TTC6: variants seen among roughly 807,000 people sequenced by gnomAD.
TTC6 encodes the protein tetratricopeptide repeat domain 6.
A neutral mutation model predicts 210.4 loss-of-function variants in TTC6; 172 were observed. The observed-to-expected ratio is 0.82, with a 90% CI of 0.72 to 0.93. The LOEUF (loss-of-function observed/expected upper bound fraction) is 0.93. Among genes scored for constraint, TTC6 ranks in the 40% least tolerant of loss-of-function variants. TTC6 has a pLI of 0.00. For missense variants in TTC6, 2,414 were observed against 2,318.1 expected (o/e 1.04, Z -0.85); for synonymous variants, 804 against 819.6 (o/e 0.98, Z 0.32).
chr14:37,754,319 T>A (rs749069847), intron 14 of TTC6, among the ~76,000 whole-genome samples: 2 of 152,180 alleles, frequency 1.3e-5, no homozygotes, highest in Admixed American at 6.6e-5. Flanking sequence ...TTCCCACTTA[T>A]AAGTGAGAAC....
At chr14:37,726,072 C>T (rs565711634) in intron 7 of TTC6, among the ~76,000 whole-genome samples, 1 of 151,914 alleles carries the variant, frequency 6.6e-6, no homozygotes, top group Non-Finnish European at 1.5e-5. Flanking sequence ...TCTTCCTCCT[C>T]CTCTTTTCTG....
At chr14:37,806,556 G>A in intron 22 of TTC6, 46 bp downstream of exon 24, 2 of 1,436,748 alleles carry the variant, frequency 1.4e-6, no homozygotes, top group Non-Finnish European at 9.2e-7. Context: ...GTTAAGTTTG[G>A]TAAAACTATT....
exon 7 of TTC6, chr14:37,724,967 T>C: frequency 1.3e-6 from 2 of 1,528,458 alleles, no homozygotes; most frequent in Non-Finnish European, 1.8e-6. Flanking sequence ...TGTTCCAGAA[T>C]CTGTCATGAA....
At chr14:37,747,255 G>A (rs967842755) in intron 10 of TTC6, among the ~76,000 whole-genome samples, 24 of 152,228 alleles carry the variant, frequency 1.6e-4, no homozygotes, top group African/African-American at 5.5e-4. Flanking sequence ...TTATGTGTGT[G>A]TGTGTTTCCT....
At chr14:37,794,889 G>A (rs1321672724) in intron 17 of TTC6, among the ~76,000 whole-genome samples, 1 of 151,986 alleles carries the variant, frequency 6.6e-6, no homozygotes, top group Admixed American at 6.6e-5. Flanking sequence ...CCTGCATGCT[G>A]CTTGATTAAG....
At chr14:37,726,945 A>G (rs1412202804) in intron 7 of TTC6, among the ~76,000 whole-genome samples, 1 of 151,374 alleles carries the variant, frequency 6.6e-6, no homozygotes, top group African/African-American at 2.4e-5. Flanking sequence ...TGTTTCTGAT[A>G]TTTTTTTCTT....
exon 29 of TTC6, chr14:37,827,337 A>G (rs2096174443): frequency 1.4e-5 from 22 of 1,612,994 alleles, no homozygotes; most frequent in Non-Finnish European, 1.9e-5. Context: ...TGCAGGAAAT[A>G]TCTACTTTCA....
Position 37,683,055 on chromosome 14 carries a change from A to G in TTC6, c.1257+91A>G, listed in dbSNP as rs957239308. The G allele has an allele frequency of 3.9e-5, 45 of 1,157,368 alleles. No individual in the cohort carries two copies. In the East Asian group the frequency reaches 1.1e-3, roughly 28 times the overall value. 71.7% of individuals were successfully genotyped at this position (1,157,368 alleles called of 1,614,324 possible). ...AATTGGCCCAGGCAAGGACCAACGTATGGGGCTGGGGGCGGGGGTGATGGT... is the reference window on the plus strand; with the variant it reads ...AATTGGCCCAGGCAAGGACCAACGTGTGGGGCTGGGGGCGGGGGTGATGGT... On this transcript the variant is annotated intron_variant, in intron 3 of 30. Coordinates refer to ENST00000553443, the Ensembl canonical transcript of TTC6.
chr14:37,781,084 A>G (rs1391728576), intron 14 of TTC6, among the ~76,000 whole-genome samples: 1 of 152,178 alleles, frequency 6.6e-6, no homozygotes, highest in African/African-American at 2.4e-5. Context: ...TGCCACCATA[A>G]ACATACGTGT....
intron 1 of TTC6, among the ~76,000 whole-genome samples, chr14:37,649,587 G>T (rs2095707567): frequency 6.6e-6 from 1 of 152,164 alleles, no homozygotes; most frequent in East Asian, 1.9e-4. Flanking sequence ...GATTTTTGAA[G>T]CCCGAAAGCC....
intron 14 of TTC6, among the ~76,000 whole-genome samples, chr14:37,766,935 A>AATTTTGACATTTGTTGCCATTGCTTTTGG (rs1171286376): frequency 6.9e-6 from 1 of 144,206 alleles, no homozygotes; most frequent in Admixed American, 7.3e-5. Context: ...ATATCTCCCA[A>AATTTTGACATTTGTTGCCATTGCTTTTGG]TGCTATCCCT....
intron 3 of TTC6, among the ~76,000 whole-genome samples, chr14:37,693,626 A>G (rs2095808713): frequency 6.6e-6 from 1 of 152,072 alleles, no homozygotes; most frequent in Non-Finnish European, 1.5e-5. Context: ...ACAACAAAAA[A>G]CAAACCCCAA....
exon 16 of TTC6, chr14:37,790,818 A>G (rs1477236006): frequency 3.9e-6 from 6 of 1,533,842 alleles, no homozygotes; most frequent in Non-Finnish European, 5.2e-6. Flanking sequence ...TGACTTTGAA[A>G]CTGTCATTTC....
chr14:37,759,434 A>AT (rs2095977535), intron 14 of TTC6, among the ~76,000 whole-genome samples: 1 of 151,320 alleles, frequency 6.6e-6, no homozygotes, highest in Non-Finnish European at 1.5e-5. Context: ...TGCCCTTAAC[A>AT]TTTTTTCCTT....
At chr14:37,632,786 C>T (rs2095672423) in intron 1 of TTC6, among the ~76,000 whole-genome samples, 1 of 152,218 alleles carries the variant, frequency 6.6e-6, no homozygotes. Context: ...ATGAGTGGGG[C>T]TCCTGCCTTT....
chr14:37,748,532 C>T lies in TTC6; in HGVS notation c.2364-407C>T, dbSNP rs192770895. ...TTCAGTTGATAGTCTGGGGTGTAGT[C>T]AACTCCTGCCTTCTTCCCACTGCCT... is the stretch of plus-strand genomic sequence containing the variant. On this transcript the variant is annotated intron_variant, in intron 10 of 30. Coordinates refer to ENST00000553443, the Ensembl canonical transcript of TTC6. Among the ~76,000 whole-genome samples the T allele has an allele frequency of 3.1e-4, 47 of 152,264 alleles. No individual in the cohort carries two copies. In the East Asian group the frequency reaches 7.9e-3, roughly 26 times the overall value.
intron 3 of TTC6, among the ~76,000 whole-genome samples, chr14:37,684,446 C>T (rs1243824758): frequency 1.3e-5 from 2 of 152,128 alleles, no homozygotes; most frequent in Non-Finnish European, 2.9e-5. Flanking sequence ...CAGTCATGCT[C>T]TTTACAAAGC....
chr14:37,669,572 A>G (rs1443735890), intron 1 of TTC6, among the ~76,000 whole-genome samples: 1 of 152,052 alleles, frequency 6.6e-6, no homozygotes, highest in African/African-American at 2.4e-5. Context: ...TACGACATGT[A>G]TTATTGTTAT....
rs11295651 is a variant in TTC6, at chr14:37,675,750, C to CTT, written c.940-4388_940-4387dup. Among the ~76,000 whole-genome samples, 520 of 142,688 alleles carry CTT rather than the reference C, an allele frequency of 3.6e-3. 4 individuals are homozygous for CTT. The highest frequency in any genetic ancestry group is 0.013 in the African/African-American group (494 of 38,984). 93.6% of individuals were successfully genotyped at this position (142,688 alleles called of 152,430 possible). On this transcript the variant is annotated intron_variant, in intron 1 of 30. Transcript: ENST00000553443. ...TCAAGTCTTGTTATTTTCTTTCTTT[C>CTT]TTTTTTTTTTTTTTATAGCCATCCT...
Sources: gnomAD v4.1 joint callset for allele counts (sites outside exome capture counted in the v4.1 genomes callset) on GRCh38, gnomAD v4.1.1 for gene constraint, MANE v1.5 for transcripts, NCBI Gene and HGNC (gene_info 2026-07-23, HGNC 2026-07-21) for gene names.